Variants in PRX observed in about 807,000 individuals in gnomAD.
PRX encodes the protein periaxin.
Under a neutral mutation model 29.6 loss-of-function variants are expected in PRX, and 24 were observed. The ratio of observed to expected loss-of-function variants is 0.81; its 90% CI spans 0.59 to 1.14. The LOEUF is 1.14. Ranked by LOEUF, PRX falls within the 50% of genes most tolerant of loss-of-function variation. The pLI is 0.00. For synonymous variants in PRX, 772 were observed against 831.7 expected, an observed-to-expected ratio of 0.93 and a Z score of 1.24; for missense variants, 1,838 against 1,926.4, an observed-to-expected ratio of 0.95 and a Z score of 0.86.
At position 40,395,040 on chromosome 19, in the gene PRX, C is replaced by A. The variant is rs2145726786; in HGVS notation, c.3312G>T (p.Leu1104=). Residue 1104 remains leucine, a synonymous_variant, in exon 7 of 7, where the codon CTG becomes CTT. Coordinates refer to ENST00000324001, the MANE Select transcript of PRX (RefSeq NM_181882.3). ...CTGCCCTCCCTTCCTCCTGGGCGCC[C>A]AGCGTGACCAGCTCCACCTCGGGGA... ...LKIPEVELVT[L]GAQEEGRAEG... 1 of 1,611,512 alleles carries A rather than the reference C, an allele frequency of 6.2e-7. No individual in the cohort carries two copies. The highest frequency in any genetic ancestry group is 8.5e-7 in the Non-Finnish European group (1 of 1,179,962).
chr19:40,410,217 C>T (rs978437906), intron 1 of PRX, among the ~76,000 whole-genome samples: 6 of 152,162 alleles, frequency 3.9e-5, no homozygotes, highest in Non-Finnish European at 7.3e-5. Flanking sequence ...TCCCCCAACC[C>T]CCGACTCTGG....
chr19:40,406,049 C>A (rs1299235109), intron 4 of PRX, among the ~76,000 whole-genome samples: 1 of 151,508 alleles, frequency 6.6e-6, no homozygotes, highest in East Asian at 2.0e-4. Flanking sequence ...GAGTTCAAGA[C>A]CAGCCTGGCC....
rs143400291 is a variant in PRX, at chr19:40,397,252, G to T, written c.1100C>A (p.Ala367Asp). 1.8e-5 allele frequency: 29 copies of T among 1,613,708 alleles called. No individual in the cohort carries two copies. Among genetic ancestry groups the T allele is most frequent in the Admixed American group, 3.3e-5 (2 of 60,008 alleles). The change falls in exon 7 of 7, where the codon GCT (alanine) becomes GAT (aspartate). Residue 367 changes from alanine (A) to aspartate (D), a missense_variant. This residue lies in a region of PRX where 666 missense variants were observed against 665.0 expected (regional missense o/e 1.00). Coordinates refer to ENST00000324001, the MANE Select transcript of PRX (RefSeq NM_181882.3). ...GGCCTCAGCAACTTCCTTTGCTCGA[G>T]CCCCAAATCGGGGAAAACTAAGGCG... ...MPRLSFPRFG[A>D]RAKEVAEAKV...
chr19:40,396,698 A>G lies in PRX; in HGVS notation c.1654T>C (p.Ser552Pro). The G allele has an allele frequency of 1.2e-6, 2 of 1,609,006 alleles. No individual in the cohort carries two copies. Among genetic ancestry groups the G allele is most frequent in the Non-Finnish European group, 1.7e-6 (2 of 1,178,740 alleles). Residue 552 changes from serine (S) to proline (P), a missense_variant, in exon 7 of 7, where the codon TCA becomes CCA. By Grantham distance (74) the Ser-to-Pro change is moderately conservative. This residue lies in a region of PRX where 1,143 missense variants were observed against 1,193.0 expected (regional missense o/e 0.96). Coordinates refer to ENST00000324001, the MANE Select transcript of PRX (RefSeq NM_181882.3). The stretch of plus-strand genomic sequence containing the variant: ...GACACCTCTGGGAGTTTCATCTCTG[A>G]CACTTTCGGCAGCTGTACCTCTGGA... ...RLPEVQLPKV[S>P]EMKLPEVSEV...
In PRX at chr19:40,397,392, C is replaced by T. The variant is rs775367319; in HGVS notation, c.960G>A (p.Ser320=). 257 of 1,612,176 alleles carry T rather than the reference C, an allele frequency of 1.6e-4. No homozygotes were observed. The highest frequency in any genetic ancestry group is 1.6e-4 in the Middle Eastern group (1 of 6,084). ...CCACATCCAGGGTGGGCACCACTAC[C>T]GACACAGCCCCTTCCCGGGTCTCTA... ...PCLETREGAV[S]VVVPTLDVAA... The change falls in exon 7 of 7, where the codon TCG becomes TCA. Residue 320 remains serine, a synonymous_variant. Transcript: ENST00000324001.
intron 3 of PRX, 46 bp downstream of exon 3, chr19:40,408,112 G>A (rs1311996567): frequency 7.4e-6 from 6 of 807,080 alleles, no homozygotes; most frequent in Non-Finnish European, 1.0e-5. Flanking sequence ...AAAGCAGGGT[G>A]GGTATTAGAA....
rs370802101 is a variant in PRX, at chr19:40,394,526, G to A, written c.3826C>T (p.Leu1276=). ...PGAERTFCLS[L]PDVELSPSGG... The stretch of plus-strand genomic sequence containing the variant: ...GATGGCGAGAGCTCCACGTCGGGCA[G>A]TGAGAGGCAGAAGGTACGCTCGGCC... Residue 1276 remains leucine (L), a synonymous_variant, in exon 7 of 7, where the codon CTG becomes TTG. Transcript: ENST00000324001. This position sits in a 1 kb window ranked among gnomAD's most constrained non-coding sequence, Gnocchi z 5.8. The A allele has an allele frequency of 1.2e-6, 2 of 1,602,238 alleles. No individual in the cohort carries two copies. The highest frequency in any genetic ancestry group is 1.7e-6 in the Non-Finnish European group (2 of 1,175,090).
Position 40,398,020 on chromosome 19 carries a change from G to C in PRX, c.382-50C>G. On this transcript the variant is annotated intron_variant, in intron 6 of 6. Transcript: ENST00000324001. This position sits in a 1 kb window ranked among gnomAD's most constrained non-coding sequence, Gnocchi z 6.3. Reference sequence around the variant, plus strand: ...AGGCGGTGGGACAGTGGGAGGCTGGGAGTGGACAGGAAGAGCCCCACCTGG... The same window carrying C: ...AGGCGGTGGGACAGTGGGAGGCTGGCAGTGGACAGGAAGAGCCCCACCTGG... The C allele has an allele frequency of 6.4e-7, 1 of 1,566,818 alleles. No homozygotes were observed. The highest frequency in any genetic ancestry group is 8.7e-7 in the Non-Finnish European group (1 of 1,155,630).
At chr19:40,402,779 A>AAACAAAAC (rs1367587985) in intron 5 of PRX, among the ~76,000 whole-genome samples, 15 of 151,092 alleles carry the variant, frequency 9.9e-5, no homozygotes, top group Admixed American at 5.3e-4. Context: ...CGTCTCAAAA[A>AAACAAAAC]AAAAAAAAAA....
intron 4 of PRX, among the ~76,000 whole-genome samples, chr19:40,406,934 C>T (rs1190556518): frequency 2.6e-5 from 4 of 151,902 alleles, no homozygotes; most frequent in African/African-American, 4.8e-5. Flanking sequence ...CCATCATGCC[C>T]GGCTAATTTT....
At position 40,394,779 on chromosome 19, in the gene PRX, G is replaced by T. The variant is rs757825620; in HGVS notation, c.3573C>A (p.Thr1191=). The T allele has an allele frequency of 6.2e-7, 1 of 1,613,602 alleles. No homozygotes were observed. The highest frequency in any genetic ancestry group is 2.2e-5 in the East Asian group (1 of 44,878). ...AGYRVQVPQV[T]LSLPGAQVAG... ...CAACCTGGGCTCCAGGCAGAGACAG[G>T]GTCACCTGGGGCACCTGAACCCTGT... Residue 1191 remains threonine (T), a synonymous_variant, in exon 7 of 7, where the codon ACC becomes ACA. Transcript: ENST00000324001. This position sits in a 1 kb window ranked among gnomAD's most constrained non-coding sequence, Gnocchi z 5.8.
chr19:40,413,308 AG>A (rs1599669081), intron 1 of PRX, 29 bp downstream of exon 1: 1 of 152,302 alleles, frequency 6.6e-6, no homozygotes, highest in African/African-American at 2.4e-5. Context: ...CAGCCTGGCC[AG>A]GGAAGGGACC....
chr19:40,396,628 G>A lies in PRX; in HGVS notation c.1724C>T (p.Pro575Leu), dbSNP rs201829675. 3 of 1,613,968 alleles carry A rather than the reference G, an allele frequency of 1.9e-6. No homozygotes were observed. The highest frequency in any genetic ancestry group is 1.1e-5 in the South Asian group (1 of 91,072). ...AGGGACTTTCATCTCTGGCACTTTC[G>A]GCAGCTGCACCTCTGGAAGCCGCAC... ...PEVRLPEVQLPKVPEMKVPEM... is the reference protein window; with the variant it reads ...PEVRLPEVQLLKVPEMKVPEM... The change falls in exon 7 of 7, where the codon CCG (proline) becomes CTG (leucine). Residue 575 changes from proline to leucine, a missense_variant. Pro to Leu is a moderately conservative substitution (Grantham distance 98). This residue lies in a region of PRX where 1,143 missense variants were observed against 1,193.0 expected (regional missense o/e 0.96). Transcript: ENST00000324001.
chr19:40,396,517 G>C lies in PRX; in HGVS notation c.1835C>G (p.Ala612Gly). The change falls in exon 7 of 7, where the codon GCC becomes GGC. Residue 612 changes from alanine (A) to glycine (G), a missense_variant. Ala to Gly is a moderately conservative substitution (Grantham distance 60). Around this residue, in one of 3 missense-constraint regions of PRX, gnomAD observed 1,143 missense variants for 1,193.0 expected, o/e 0.96. Coordinates refer to ENST00000324001, the MANE Select transcript of PRX (RefSeq NM_181882.3). ...TTCTGGGAGGTGCACATCGGGCACG[G>C]CCATCTCGGGCACCTTCGGGAGTTG... The part of the protein sequence containing the change: ...EVQLPKVPEM[A>G]VPDVHLPEVQ... 6.2e-7 allele frequency: 1 copy of C among 1,613,954 alleles called. No homozygotes were observed. The highest frequency in any genetic ancestry group is 8.5e-7 in the Non-Finnish European group (1 of 1,180,034).
intron 5 of PRX, among the ~76,000 whole-genome samples, 178 bp downstream of exon 5, chr19:40,403,528 T>C (rs1434282188): frequency 1.3e-5 from 2 of 152,088 alleles, no homozygotes; most frequent in African/African-American, 2.4e-5. Context: ...ACCCAGACAG[T>C]GAACCTCCGG....
At position 40,398,401 on chromosome 19, in the gene PRX, C is replaced by T; in HGVS notation, c.381+219G>A. The stretch of plus-strand genomic sequence containing the variant: ...AAGCCTGGATCCGATGGTGGGGACG[C>T]CTCTCCGAGGTGGGTGAGGGCCCTG... On this transcript the variant is annotated intron_variant, in intron 6 of 6. Transcript: ENST00000324001. The surrounding 1 kb of genome is among the most constrained non-coding windows in gnomAD (Gnocchi z 6.3). 6.8e-7 allele frequency: 1 copy of T among 1,463,420 alleles called. No individual in the cohort carries two copies. The highest frequency in any genetic ancestry group is 9.0e-7 in the Non-Finnish European group (1 of 1,115,334). 90.7% of individuals were successfully genotyped at this position (1,463,420 alleles called of 1,614,324 possible).
In PRX at chr19:40,403,722, G is replaced by A. The variant is rs2079511950; in HGVS notation, c.168C>T (p.Ser56=). Residue 56 remains serine (S), a synonymous_variant, in exon 5 of 7, where the codon AGC becomes AGT. Transcript: ENST00000324001. ...CCCGCCCACCTTCCTGCAGGCTGAG[G>A]CTCCTGGCGGCGGGTGAGTCCTCGC... ...ELREDSPAAR[S]LSLQEGDQLL... 5 of 1,562,410 alleles carry A rather than the reference G, an allele frequency of 3.2e-6. No homozygotes were observed. Among genetic ancestry groups the A allele is most frequent in the Non-Finnish European group, 4.3e-6 (5 of 1,154,352 alleles).
At chr19:40,407,295 T>A (rs1233909190) in intron 4 of PRX, among the ~76,000 whole-genome samples, 1 of 151,584 alleles carries the variant, frequency 6.6e-6, no homozygotes, top group Non-Finnish European at 1.5e-5. Flanking sequence ...TTTTCTCATT[T>A]ATTCTTTCCA....
At position 40,400,640 on chromosome 19, in the gene PRX, C is replaced by T. The variant is rs536317259; in HGVS notation, c.185-1824G>A. ...AAAAGACAAGATCTCACTCTTCACCCAGGCTGTGGTACACTGGTGCAATGA... is the reference window on the plus strand; with the variant it reads ...AAAAGACAAGATCTCACTCTTCACCTAGGCTGTGGTACACTGGTGCAATGA... On this transcript the variant is annotated intron_variant, in intron 5 of 6. Coordinates refer to ENST00000324001, the MANE Select transcript of PRX (RefSeq NM_181882.3). 3.4e-5 allele frequency among the ~76,000 whole-genome samples: 5 copies of T among 145,948 alleles called. No individual in the cohort carries two copies. The East Asian group carries it at 9.8e-4, about 29-fold the overall frequency.
Sources: allele counts gnomAD v4.1 joint callset (sites outside exome capture counted in the v4.1 genomes callset), GRCh38; gene constraint gnomAD v4.1.1; regional missense constraint gnomAD v4.1.1; non-coding constraint Gnocchi (gnomAD v3.1); transcripts MANE v1.5; gene names NCBI Gene and HGNC (gene_info 2026-07-23, HGNC 2026-07-21).